AAAS: variants seen among roughly 807,000 people sequenced by gnomAD.
AAAS encodes aladin.
Under a neutral mutation model 75.6 loss-of-function variants are expected in AAAS, and 60 were observed. That is an observed-to-expected ratio of 0.79 (90% CI 0.64 to 0.98). The LOEUF is 0.98. Ranked by LOEUF, AAAS falls within the 50% of genes least tolerant of loss-of-function variation. The probability of loss-of-function intolerance (pLI) is 0.00; values close to 1 mark genes in which losing one functional copy is unlikely to be tolerated. For synonymous variants in AAAS, 271 were observed against 265.0 expected, an observed-to-expected ratio of 1.02 and a Z score of -0.22; for missense variants, 658 against 686.9, an observed-to-expected ratio of 0.96 and a Z score of 0.47.
At chr12:53,318,013 G>A (rs1318670012) in intron 2 of AAAS, among the ~76,000 whole-genome samples, 1 of 152,120 alleles carries the variant, frequency 6.6e-6, no homozygotes, top group Non-Finnish European at 1.5e-5. Context: ...TACAAGATAG[G>A]TATTGTTATC....
At position 53,308,213 on chromosome 12, in the gene AAAS, C is replaced by T. The variant is rs991095738; in HGVS notation, c.1249+69G>A. 4.4e-5 allele frequency: 71 copies of T among 1,612,094 alleles called. 2 individuals are homozygous for T. In the South Asian group the frequency reaches 6.8e-4, roughly 15 times the overall value. ...ACATGGGCAGAGGAGAACTCCAGGC[C>T]AGGGCACGGCCTCATTAGATTAACT... On this transcript the variant is annotated intron_variant, in intron 13 of 15. Transcript: ENST00000209873.
intron 6 of AAAS, 22 bp from the exon 7 acceptor site, chr12:53,314,463 CTG>C: frequency 6.2e-7 from 1 of 1,613,634 alleles, no homozygotes; most frequent in Non-Finnish European, 8.5e-7. Context: ...GGGCAGGAAA[CTG>C]AGTCAAGGCA....
intron 13 of AAAS, 45 bp downstream of exon 13, chr12:53,308,237 C>A (rs1944324437): frequency 1.2e-6 from 2 of 1,613,512 alleles, no homozygotes. Flanking sequence ...ATTAGATTAA[C>A]TGGGAAGATG....
Position 53,307,911 on chromosome 12 carries a change from C to T in AAAS, c.1350G>A (p.Glu450=). 1 of 1,614,202 alleles carries T rather than the reference C, an allele frequency of 6.2e-7. No homozygotes were observed. The highest frequency in any genetic ancestry group is 8.5e-7 in the Non-Finnish European group (1 of 1,180,042). Residue 450 remains glutamate, a synonymous_variant, in exon 15 of 16, where the codon GAG becomes GAA. Transcript: ENST00000209873. ...TGATGAGCTGGGGCTGGGCTCCTGG[C>T]TCCCCCTGGATAATGCCACTAGAAG... The part of the protein sequence containing the change: ...ELLPCGIIQG[E]PGAQPQLITF...
Position 53,315,315 on chromosome 12 carries a change from G to T in AAAS, c.399+20C>A. The T allele has an allele frequency of 6.2e-7, 1 of 1,612,810 alleles. No individual in the cohort carries two copies. The highest frequency in any genetic ancestry group is 1.1e-5 in the South Asian group (1 of 91,032). ...GGGGACACAGCAAATGCAGAGGGCT[G>T]GGGAGGAAGCCAAACTTACAGACAG... On this transcript the variant is annotated intron_variant, in intron 4 of 15. Coordinates refer to ENST00000209873, the MANE Select transcript of AAAS (RefSeq NM_015665.6).
intron 10 of AAAS, 30 bp from the exon 11 acceptor site, chr12:53,308,845 G>T (rs760456385): frequency 1.2e-6 from 2 of 1,613,676 alleles, no homozygotes; most frequent in South Asian, 2.2e-5. Flanking sequence ...GGCAGGAGAA[G>T]GTATGTCTAT....
In AAAS at chr12:53,314,828, G is replaced by A. The variant is rs752736875; in HGVS notation, c.468C>T (p.Val156=). The change falls in exon 6 of 16, where the codon GTC becomes GTT. Residue 156 remains valine, a synonymous_variant. Coordinates refer to ENST00000209873, the MANE Select transcript of AAAS (RefSeq NM_015665.6). ...VTNWSSCCLR[V]FAWHPHTNKF... Reference sequence around the variant, plus strand: ...TGTTGGTGTGGGGGTGCCATGCAAAGACACGCAAGCAGCAGCTGGACCTAA... The same window carrying A: ...TGTTGGTGTGGGGGTGCCATGCAAAAACACGCAAGCAGCAGCTGGACCTAA... 1.2e-6 allele frequency: 2 copies of A among 1,613,956 alleles called. No individual in the cohort carries two copies. The highest frequency in any genetic ancestry group is 1.7e-6 in the Non-Finnish European group (2 of 1,179,974).
chr12:53,314,624 C>T, intron 6 of AAAS, 127 bp downstream of exon 6: 1 of 1,323,196 alleles, frequency 7.6e-7, no homozygotes, highest in South Asian at 1.3e-5. Context: ...TATGGAGCTT[C>T]CCTGACCCCA....
Position 53,309,573 on chromosome 12 carries a change from T to C in AAAS, c.810+28A>G, listed in dbSNP as rs144218827. 697 of 1,613,390 alleles carry C rather than the reference T, an allele frequency of 4.3e-4. 8 individuals carry two copies. The East Asian group carries it at 0.015, about 34-fold the overall frequency. ...AGGAACACTTTTGCCAGGACTGAAA[T>C]GTGCATGAGGGGCAGGGACCCACTC... On this transcript the variant is annotated intron_variant, in intron 8 of 15. Coordinates refer to ENST00000209873, the MANE Select transcript of AAAS (RefSeq NM_015665.6).
chr12:53,318,298 C>A, intron 2 of AAAS, among the ~76,000 whole-genome samples: 1 of 147,012 alleles, frequency 6.8e-6, no homozygotes, highest in East Asian at 2.0e-4. Flanking sequence ...ACTCTGTCAC[C>A]CAGGCTGGAG....
intron 2 of AAAS, among the ~76,000 whole-genome samples, chr12:53,316,759 T>A (rs1592520552): frequency 4.5e-5 from 3 of 66,816 alleles, no homozygotes; most frequent in Non-Finnish European, 5.4e-5. Context: ...AGACTCCATC[T>A]CAGACAAAAA....
chr12:53,308,615 C>T (rs577462048), intron 11 of AAAS, 87 bp from the exon 12 acceptor site: 284 of 1,596,434 alleles, frequency 1.8e-4, no homozygotes, highest in African/African-American at 1.1e-3. Context: ...ATCAACACCT[C>T]GAAATCTCCT....
In AAAS at chr12:53,320,582, C is replaced by T. The variant is rs145519240; in HGVS notation, c.234G>A (p.Lys78=). Residue 78 remains lysine (K), a synonymous_variant, in exon 2 of 16, where the codon AAG becomes AAA. Transcript: ENST00000209873. ...AFIHHREQVW[K]RCINIWRDVG... ...TGCCTCACCAAATGTTGATGCATCTCTTCCACACTTGCTCCCGGTGATGGA... is the reference window on the plus strand; with the variant it reads ...TGCCTCACCAAATGTTGATGCATCTTTTCCACACTTGCTCCCGGTGATGGA... 1.5e-3 allele frequency: 2,378 copies of T among 1,614,010 alleles called. 51 individuals carry two copies. The South Asian group carries it at 0.024, about 17-fold the overall frequency.
At chr12:53,318,350 G>A (rs1944499433) in intron 2 of AAAS, among the ~76,000 whole-genome samples, 1 of 151,784 alleles carries the variant, frequency 6.6e-6, no homozygotes, top group Non-Finnish European at 1.5e-5. Flanking sequence ...TCTACCTCCT[G>A]GGTGCAAGCA....
rs113552254 is a variant in AAAS, at chr12:53,319,201, C to CTTT, written c.251+1361_251+1363dup. Among the ~76,000 whole-genome samples the CTTT allele has an allele frequency of 1.2e-3, 178 of 145,646 alleles. 4 individuals carry two copies. The highest frequency in any genetic ancestry group is 0.011 in the Admixed American group (159 of 14,548). On this transcript the variant is annotated intron_variant, in intron 2 of 15. Coordinates refer to ENST00000209873, the MANE Select transcript of AAAS (RefSeq NM_015665.6). ...GTATTAATAAAAATATTAAGTAACC[C>CTTT]TTTTTTTTTTTTTGAGACAAGGTCT... is the stretch of plus-strand genomic sequence containing the variant.
In AAAS at chr12:53,308,327, T is replaced by C. The variant is rs762180290; in HGVS notation, c.1204A>G (p.Met402Val). 6 of 1,614,170 alleles carry C rather than the reference T, an allele frequency of 3.7e-6. No individual in the cohort carries two copies. Among genetic ancestry groups the C allele is most frequent in the Non-Finnish European group, 5.1e-6 (6 of 1,180,018 alleles). Residue 402 changes from methionine to valine, a missense_variant, in exon 13 of 16, where the codon ATG (methionine) becomes GTG (valine). Physicochemically the swap from Met to Val is conservative, Grantham distance 21. Coordinates refer to ENST00000209873, the MANE Select transcript of AAAS (RefSeq NM_015665.6). ...CGTTCCCCACTGGGGTCCCAGACCA[T>C]GGAGTGAGCCTCTCCCCCAAGCCTG... ...EERLGGEAHS[M>V]VWDPSGERLA...
At chr12:53,319,821 A>G (rs112678187) in intron 2 of AAAS, among the ~76,000 whole-genome samples, 3,514 of 132,332 alleles carry the variant, frequency 0.027, 135 homozygotes, top group South Asian at 0.096. Flanking sequence ...AAAAAAAAAA[A>G]AAAAGAAAAA....
At chr12:53,314,176 T>C (rs1252282863) in intron 7 of AAAS, 122 bp downstream of exon 7, 4 of 1,411,258 alleles carry the variant, frequency 2.8e-6, no homozygotes, top group Non-Finnish European at 4.0e-6. Flanking sequence ...CTTCTGCTTT[T>C]CCCATAGCCC....
At chr12:53,320,770 C>G (rs893515787) in intron 1 of AAAS, 78 bp from the exon 2 acceptor site, 1 of 1,529,604 alleles carries the variant, frequency 6.5e-7, no homozygotes, top group African/African-American at 1.4e-5. Context: ...CTCCAACCCA[C>G]CGCTGGGCTA....
Sources: gnomAD v4.1 joint callset for allele counts (sites outside exome capture counted in the v4.1 genomes callset) on GRCh38, gnomAD v4.1.1 for gene constraint, MANE v1.5 for transcripts, NCBI Gene and HGNC (gene_info 2026-07-23, HGNC 2026-07-21) for gene names.